Variants in FAM107A observed in about 807,000 individuals in gnomAD.
FAM107A encodes actin-associated protein FAM107A.
FAM107A carries 19 observed loss-of-function variants against 13.7 expected under a neutral mutation model. The ratio of observed to expected loss-of-function variants is 1.38; its 90% CI spans 0.97 to 2.03. The LOEUF (loss-of-function observed/expected upper bound fraction) is 2.03, where lower values mean the gene tolerates loss of function less well. FAM107A is among the 30% of genes most tolerant of loss of function. FAM107A has a pLI of 0.00. For synonymous variants in FAM107A, 82 were observed against 74.5 expected (o/e 1.10, Z -0.52); for missense variants, 203 against 184.4 (o/e 1.10, Z -0.58).
intron 1 of FAM107A, among the ~76,000 whole-genome samples, chr3:58,595,104 T>C (rs1046755930): frequency 6.6e-6 from 1 of 151,584 alleles, no homozygotes; most frequent in African/African-American, 2.4e-5. Context: ...CTTTCTTCAG[T>C]TTAATCTCTC....
chr3:58,608,965 C>T (rs573747264), intron 1 of FAM107A: 3 of 152,328 alleles, frequency 2.0e-5, no homozygotes, highest in African/African-American at 7.2e-5. Flanking sequence ...GCATCTCTTT[C>T]CCCTGGACAC....
intron 1 of FAM107A, among the ~76,000 whole-genome samples, chr3:58,611,048 T>A (rs1214063907): frequency 6.6e-6 from 1 of 152,190 alleles, no homozygotes; most frequent in Non-Finnish European, 1.5e-5. Flanking sequence ...TATTAGGGAC[T>A]TTTCTCCCTT....
chr3:58,587,991 A>C (rs986569125), upstream of FAM107A, among the ~76,000 whole-genome samples: 1 of 152,152 alleles, frequency 6.6e-6, no homozygotes, highest in African/African-American at 2.4e-5. Context: ...GCTGGGATAC[A>C]TGAACGCAGG....
intron 1 of FAM107A, among the ~76,000 whole-genome samples, chr3:58,583,008 A>G (rs2065565560): frequency 6.6e-6 from 1 of 152,184 alleles, no homozygotes; most frequent in Non-Finnish European, 1.5e-5. Flanking sequence ...TATGTTGGCC[A>G]GGCTGGTCTC....
intron 1 of FAM107A, chr3:58,608,929 G>C (rs1450802027): frequency 6.6e-6 from 1 of 152,180 alleles, no homozygotes; most frequent in Non-Finnish European, 1.5e-5. Flanking sequence ...GCAGTGAGTT[G>C]GCAGAGCTGG....
Position 58,577,256 on chromosome 3 carries a change from C to G in FAM107A, c.-6+53G>C, listed in dbSNP as rs2063738119. 2 of 930,094 alleles carry G rather than the reference C, an allele frequency of 2.2e-6. No homozygotes were observed. The highest frequency in any genetic ancestry group is 9.9e-5 in the South Asian group (2 of 20,234). The allele number at this position is 930,094 out of a possible 1,614,324, so 57.6% of individuals were successfully genotyped here. ...CTGCCCTCCTTCCCTTCCACCTCCT[C>G]CCGAACGGCACCGCTCTCAACAGCA... On this transcript the variant is annotated intron_variant, in intron 1 of 3. Coordinates refer to ENST00000360997, the MANE Select transcript of FAM107A (RefSeq NM_001076778.3). This position sits in a 1 kb window ranked among gnomAD's most constrained non-coding sequence, Gnocchi z 4.9.
intron 1 of FAM107A, among the ~76,000 whole-genome samples, chr3:58,600,759 C>A (rs764731573): frequency 6.6e-6 from 1 of 152,156 alleles, no homozygotes; most frequent in Non-Finnish European, 1.5e-5. Flanking sequence ...GATGGTGCAG[C>A]TCTAAGGAGA....
chr3:58,611,488 C>T (rs906917918), intron 1 of FAM107A, among the ~76,000 whole-genome samples: 1 of 152,222 alleles, frequency 6.6e-6, no homozygotes, highest in African/African-American at 2.4e-5. Context: ...CTTGATGTTC[C>T]GCATCATCTG....
chr3:58,597,585 G>C (rs1052961271), intron 1 of FAM107A, among the ~76,000 whole-genome samples: 18 of 152,308 alleles, frequency 1.2e-4, no homozygotes, highest in African/African-American at 4.1e-4. Context: ...GCAATGCCTA[G>C]CACAGTTCTT....
intron 1 of FAM107A, among the ~76,000 whole-genome samples, chr3:58,574,660 A>G (rs1359245633): frequency 2.0e-5 from 3 of 152,216 alleles, no homozygotes; most frequent in African/African-American, 7.2e-5. Flanking sequence ...AGTGTCTTGC[A>G]TGACTATAGG....
At chr3:58,623,004 C>T (rs554289882) in intron 1 of FAM107A, among the ~76,000 whole-genome samples, 1 of 152,222 alleles carries the variant, frequency 6.6e-6, no homozygotes, top group East Asian at 1.9e-4. Context: ...TGAGCGCCTC[C>T]TGATGAGGTC....
chr3:58,585,076 A>G (rs547910027), intron 1 of FAM107A, among the ~76,000 whole-genome samples: 117 of 152,328 alleles, frequency 7.7e-4, no homozygotes, highest in Non-Finnish European at 1.6e-3. Context: ...TTGTCAGTGC[A>G]GCCTCCGTCC....
chr3:58,580,886 G>A (rs1039170069), upstream of FAM107A, among the ~76,000 whole-genome samples: 1 of 152,154 alleles, frequency 6.6e-6, no homozygotes, highest in Non-Finnish European at 1.5e-5. Context: ...ATCAGAAAAA[G>A]ACTCTAAGAA....
chr3:58,574,596 A>C (rs1176848456), intron 1 of FAM107A, among the ~76,000 whole-genome samples: 1 of 152,218 alleles, frequency 6.6e-6, no homozygotes, highest in Non-Finnish European at 1.5e-5. Flanking sequence ...TGAAGATTGG[A>C]TGAGCTAAAG....
At chr3:58,576,627 A>G (rs140286120) in intron 1 of FAM107A, among the ~76,000 whole-genome samples, 57 of 152,318 alleles carry the variant, frequency 3.7e-4, no homozygotes, top group African/African-American at 1.3e-3. Flanking sequence ...GACACACCCA[A>G]TCCTACAGCT....
rs146023732 is a variant in FAM107A, at chr3:58,598,040, T to C, written c.-69-8771A>G. Among the ~76,000 whole-genome samples, 360 of 152,284 alleles carry C rather than the reference T, an allele frequency of 2.4e-3. 1 individual carries two copies. The highest frequency in any genetic ancestry group is 8.3e-3 in the African/African-American group (346 of 41,562). On this transcript the variant is annotated intron_variant, in intron 1 of 3. Transcript: ENST00000465970. Reference sequence around the variant, plus strand: ...CTGGCTTATTCTTAAAGGTTGAATATATGTAATGCAGAGCCCTGGCTGCTG... The same window carrying C: ...CTGGCTTATTCTTAAAGGTTGAATACATGTAATGCAGAGCCCTGGCTGCTG...
exon 1 of FAM107A, chr3:58,586,898 G>A (rs80312641): frequency 0.19 from 289,664 of 1,532,500 alleles, 32,425 homozygotes; most frequent in East Asian, 0.41. Flanking sequence ...CGGTGGCATC[G>A]GAGGGCCCCC....
intron 1 of FAM107A, chr3:58,626,832 T>G: frequency 1.3e-6 from 1 of 768,008 alleles, no homozygotes. Flanking sequence ...GATGCAAGTC[T>G]TGGCTGTGAG....
At chr3:58,602,116 A>T (rs1326755748) in intron 1 of FAM107A, among the ~76,000 whole-genome samples, 1 of 152,076 alleles carries the variant, frequency 6.6e-6, no homozygotes, top group Non-Finnish European at 1.5e-5. Context: ...TAGGGCAGGG[A>T]AGGGGGAAGA....
Sources: gnomAD v4.1 joint callset for allele counts (sites outside exome capture counted in the v4.1 genomes callset) on GRCh38, gnomAD v4.1.1 for gene constraint, Gnocchi (gnomAD v3.1) non-coding constraint, MANE v1.5 for transcripts, NCBI Gene and HGNC (gene_info 2026-07-23, HGNC 2026-07-21) for gene names.